Variants in MRAP2 observed in about 807,000 individuals in gnomAD.
MRAP2 encodes melanocortin-2 receptor accessory protein 2.
MRAP2 carries 20 observed loss-of-function variants against 17.4 expected under a neutral mutation model. The ratio of observed to expected loss-of-function variants is 1.15; its 90% CI spans 0.81 to 1.67. MRAP2 has a LOEUF of 1.67. Among genes scored for constraint, MRAP2 ranks in the 40% most tolerant of loss-of-function variants. The pLI is 0.00. For missense variants in MRAP2, 238 were observed against 240.0 expected (o/e 0.99, Z 0.05); for synonymous variants, 96 against 88.4 (o/e 1.09, Z -0.48).
intron 1 of MRAP2, among the ~76,000 whole-genome samples, chr6:84,048,121 T>C (rs1046707135): frequency 1.3e-5 from 2 of 152,194 alleles, no homozygotes; most frequent in Non-Finnish European, 2.9e-5. Flanking sequence ...TGTGGTTCTT[T>C]TGTATATATA....
At chr6:84,035,403 T>A in intron 1 of MRAP2, 1 of 984,462 alleles carries the variant, frequency 1.0e-6, no homozygotes, top group Non-Finnish European at 1.2e-6. Flanking sequence ...ACCAACTCCC[T>A]TCCCTTTTCT....
chr6:84,120,573 T>C, the MRAP2 span, among the ~76,000 whole-genome samples: 1 of 152,208 alleles, frequency 6.6e-6, no homozygotes. Context: ...GATCTTTATA[T>C]ATAGAACTGA....
intron 3 of MRAP2, among the ~76,000 whole-genome samples, chr6:84,068,727 A>T (rs975705765): frequency 1.4e-5 from 2 of 140,718 alleles, no homozygotes; most frequent in African/African-American, 5.4e-5. Flanking sequence ...CTGTTGGTGT[A>T]TAGAAGAGCT....
chr6:84,071,001 T>A (rs950863490), intron 3 of MRAP2, among the ~76,000 whole-genome samples: 1 of 152,176 alleles, frequency 6.6e-6, no homozygotes, highest in Non-Finnish European at 1.5e-5. Flanking sequence ...AGTTGGTTGG[T>A]GGGTTCTTAT....
intron 3 of MRAP2, among the ~76,000 whole-genome samples, chr6:84,067,713 C>G (rs964580505): frequency 2.0e-5 from 3 of 147,286 alleles, no homozygotes; most frequent in Admixed American, 6.8e-5. Context: ...GTTTTTAGCC[C>G]ACTTTTGGAT....
At chr6:84,106,913 T>C in the MRAP2 span, among the ~76,000 whole-genome samples, 5 of 152,052 alleles carry the variant, frequency 3.3e-5, no homozygotes, top group Non-Finnish European at 7.4e-5. Context: ...TGGTCAAGGG[T>C]TCAGTTTCTA....
chr6:84,039,407 T>G (rs1287983599), intron 1 of MRAP2, among the ~76,000 whole-genome samples: 1 of 152,168 alleles, frequency 6.6e-6, no homozygotes, highest in Non-Finnish European at 1.5e-5. Context: ...TACAAAGTGA[T>G]TTTTTTGCTT....
chr6:84,134,716 C>T, the MRAP2 span, among the ~76,000 whole-genome samples: 1 of 152,130 alleles, frequency 6.6e-6, no homozygotes, highest in East Asian at 1.9e-4. Context: ...CCAGGTACCT[C>T]AGTTGGAAAT....
At chr6:84,126,940 C>T in the MRAP2 span, among the ~76,000 whole-genome samples, 1 of 152,108 alleles carries the variant, frequency 6.6e-6, no homozygotes, top group South Asian at 2.1e-4. Context: ...CTGTTAACTC[C>T]CTATAATTCT....
At chr6:84,062,551 G>C (rs1294050262) in intron 2 of MRAP2, 7 of 985,224 alleles carry the variant, frequency 7.1e-6, no homozygotes, top group African/African-American at 1.7e-5. Flanking sequence ...TGAGTTGATA[G>C]TCTGCTAAAA....
At chr6:84,065,293 A>AAAT (rs2099494378) in intron 3 of MRAP2, among the ~76,000 whole-genome samples, 1 of 152,108 alleles carries the variant, frequency 6.6e-6, no homozygotes, top group Non-Finnish European at 1.5e-5. Flanking sequence ...TCAAAAAAAA[A>AAAT]AAAAATTTAA....
intron 1 of MRAP2, among the ~76,000 whole-genome samples, chr6:84,036,789 G>C (rs895754307): frequency 3.9e-5 from 6 of 152,218 alleles, no homozygotes; most frequent in South Asian, 2.1e-4. Context: ...ACAGAGAGCT[G>C]ATTGGTCCGT....
chr6:84,064,986 G>T (rs1232777247), intron 3 of MRAP2, among the ~76,000 whole-genome samples: 1 of 152,052 alleles, frequency 6.6e-6, no homozygotes, highest in East Asian at 1.9e-4. Context: ...GGGCTAGGAA[G>T]AAAAAAATGT....
intron 2 of MRAP2, 121 bp from the exon 3 acceptor site, chr6:84,062,772 T>G: frequency 1.3e-6 from 2 of 1,510,490 alleles, no homozygotes; most frequent in Non-Finnish European, 1.8e-6. Flanking sequence ...CAACTGCGGA[T>G]CAGACTGTTG....
At chr6:84,054,171 G>T (rs2099491116) in intron 1 of MRAP2, among the ~76,000 whole-genome samples, 1 of 152,126 alleles carries the variant, frequency 6.6e-6, no homozygotes, top group Non-Finnish European at 1.5e-5. Context: ...TTTCCCTTAT[G>T]TTACTGCTAT....
intron 3 of MRAP2, among the ~76,000 whole-genome samples, chr6:84,080,039 T>TGTTATTGCCAGG (rs1403735518): frequency 2.6e-5 from 4 of 151,972 alleles, no homozygotes; most frequent in African/African-American, 9.7e-5. Flanking sequence ...TTTGTTTGTT[T>TGTTATTGCCAGG]GATTTTTCTT....
chr6:84,061,798 C>T (rs2099493244), intron 2 of MRAP2: 2 of 985,428 alleles, frequency 2.0e-6, no homozygotes, highest in Non-Finnish European at 2.4e-6. Context: ...TGACAGTAGC[C>T]AGCACCTGTG....
chr6:84,134,812 C>G, the MRAP2 span, among the ~76,000 whole-genome samples: 2 of 151,954 alleles, frequency 1.3e-5, no homozygotes, highest in African/African-American at 2.4e-5. Context: ...CAGCCTCCCC[C>G]CCACAGATTA....
intron 1 of MRAP2, among the ~76,000 whole-genome samples, chr6:84,037,230 C>G (rs1489427366): frequency 6.6e-6 from 1 of 152,030 alleles, no homozygotes; most frequent in Non-Finnish European, 1.5e-5. Context: ...GGTGTGTTTA[C>G]AATCCTTTAG....
Sources: gnomAD v4.1 joint callset for allele counts (sites outside exome capture counted in the v4.1 genomes callset) on GRCh38, gnomAD v4.1.1 for gene constraint, MANE v1.5 for transcripts, NCBI Gene and HGNC (gene_info 2026-07-23, HGNC 2026-07-21) for gene names.